Variants in DYNLT2B observed in about 807,000 individuals in gnomAD.
DYNLT2B encodes dynein light chain Tctex-type protein 2B.
In DYNLT2B, 14 loss-of-function variants were observed where a neutral mutation model predicts 19.5. The observed-to-expected ratio is 0.72, with a 90% CI of 0.47 to 1.12. The LOEUF (loss-of-function observed/expected upper bound fraction) is 1.12. Ranked by LOEUF, DYNLT2B falls within the 50% of genes most tolerant of loss-of-function variation. DYNLT2B has a pLI of 0.00. For synonymous variants in DYNLT2B, 70 were observed against 59.7 expected, an observed-to-expected ratio of 1.17 and a Z score of -0.79; for missense variants, 133 against 174.7, an observed-to-expected ratio of 0.76 and a Z score of 1.35.
chr3:196,298,762 C>A (rs888985724), intron 3 of DYNLT2B, among the ~76,000 whole-genome samples: 1 of 152,034 alleles, frequency 6.6e-6, no homozygotes. Flanking sequence ...GCTGATATTC[C>A]GCAGCAGATT....
chr3:196,304,319 GAC>G (rs2067376559), intron 3 of DYNLT2B, among the ~76,000 whole-genome samples: 1 of 152,056 alleles, frequency 6.6e-6, no homozygotes, highest in Admixed American at 6.6e-5. Flanking sequence ...TTTTAGTAGA[GAC>G]AGGGTTTCGC....
chr3:196,315,582 CAT>C (rs1467574361), intron 2 of DYNLT2B, among the ~76,000 whole-genome samples: 4 of 150,562 alleles, frequency 2.7e-5, no homozygotes, highest in Middle Eastern at 3.2e-3. Context: ...TTTTAATACA[CAT>C]GAGGTCGGCT....
In DYNLT2B at chr3:196,314,113, T is replaced by A. The variant is rs1484472409; in HGVS notation, c.247+1985A>T. Among the ~76,000 whole-genome samples the A allele has an allele frequency of 2.6e-5, 4 of 151,576 alleles. No homozygotes were observed. In the East Asian group the frequency reaches 7.8e-4, roughly 29 times the overall value. On this transcript the variant is annotated intron_variant, in intron 2 of 4. Coordinates refer to ENST00000325318, the MANE Select transcript of DYNLT2B (RefSeq NM_152773.5). ...AACTCCATCTCAAAAAAAAACCTTA[T>A]GGATACTTTTTTGTATTGTCTAGGT...
At chr3:196,299,246 G>A (rs977438825) in intron 3 of DYNLT2B, among the ~76,000 whole-genome samples, 11 of 152,068 alleles carry the variant, frequency 7.2e-5, no homozygotes, top group Admixed American at 1.3e-4. Context: ...CACCACGCCC[G>A]GCTAATTTTT....
intron 3 of DYNLT2B, among the ~76,000 whole-genome samples, chr3:196,300,922 G>A (rs556033979): frequency 2.5e-4 from 38 of 151,722 alleles, no homozygotes; most frequent in Non-Finnish European, 5.0e-4. Context: ...AGTTGGGCGT[G>A]GTGGCTCATG....
intron 1 of DYNLT2B, among the ~76,000 whole-genome samples, chr3:196,317,470 AGTGTGT>A (rs758076354): frequency 3.4e-4 from 4 of 11,886 alleles, no homozygotes; most frequent in East Asian, 0.017. Context: ...TATTTTTTTC[AGTGTGT>A]GTGTGTGTGT....
chr3:196,301,752 G>C (rs1726361752), intron 3 of DYNLT2B, among the ~76,000 whole-genome samples: 1 of 151,646 alleles, frequency 6.6e-6, no homozygotes, highest in African/African-American at 2.4e-5. Context: ...TGACTAAAAT[G>C]TAAAAATAGA....
intron 1 of DYNLT2B, among the ~76,000 whole-genome samples, chr3:196,317,649 G>C (rs564032594): frequency 3.5e-4 from 53 of 152,266 alleles, no homozygotes; most frequent in African/African-American, 1.2e-3. Flanking sequence ...CGCCGGGAGT[G>C]AGCCCATCCT....
At chr3:196,294,132 A>C (rs1164830234) in intron 4 of DYNLT2B, among the ~76,000 whole-genome samples, 2 of 151,950 alleles carry the variant, frequency 1.3e-5, no homozygotes, top group Non-Finnish European at 2.9e-5. Flanking sequence ...CGGGCCGATC[A>C]CCTGAGGTCG....
chr3:196,303,058 A>G (rs1013056702), intron 3 of DYNLT2B, among the ~76,000 whole-genome samples: 1 of 152,086 alleles, frequency 6.6e-6, no homozygotes, highest in African/African-American at 2.4e-5. Context: ...AGCGCTTGAG[A>G]TATTTTGCAG....
In DYNLT2B at chr3:196,317,062, GGTGTGTGTGT is replaced by G. The variant is rs140998103; in HGVS notation, c.114-841_114-832del. Among the ~76,000 whole-genome samples the G allele has an allele frequency of 6.1e-4, 32 of 52,274 alleles. 4 individuals are homozygous for G. In the East Asian group the frequency reaches 0.012, roughly 19 times the overall value. 34.3% of individuals were successfully genotyped at this position (52,274 alleles called of 152,430 possible). On this transcript the variant is annotated intron_variant, in intron 1 of 4. Transcript: ENST00000325318. ...TGTGTGTGTTGTGTGGTGTGTGTGT[GGTGTGTGTGT>G]GTGTGTGTGTGTGTGTAAAGTTAGT...
At chr3:196,292,442 G>A (rs374624448) in intron 4 of DYNLT2B, 1 of 152,152 alleles carries the variant, frequency 6.6e-6, no homozygotes, top group Non-Finnish European at 1.5e-5. Context: ...CTGTGATAAA[G>A]GACCTGCTTT....
chr3:196,296,789 C>T (rs13320886), intron 3 of DYNLT2B, among the ~76,000 whole-genome samples: 1 of 152,096 alleles, frequency 6.6e-6, no homozygotes, highest in Non-Finnish European at 1.5e-5. Context: ...TGACGTGTCC[C>T]TGTAGTCCCA....
At chr3:196,303,230 C>T (rs1463219069) in intron 3 of DYNLT2B, among the ~76,000 whole-genome samples, 5 of 152,080 alleles carry the variant, frequency 3.3e-5, no homozygotes, top group South Asian at 2.1e-4. Flanking sequence ...GCTCTCCACA[C>T]CCACCAAGCT....
chr3:196,304,360 T>C (rs1265780195), intron 3 of DYNLT2B, among the ~76,000 whole-genome samples: 2 of 152,184 alleles, frequency 1.3e-5, no homozygotes, highest in African/African-American at 4.8e-5. Flanking sequence ...CTCGAACTCC[T>C]GACCTCAAGT....
At chr3:196,308,656 G>T (rs1041610071) in intron 2 of DYNLT2B, among the ~76,000 whole-genome samples, 3 of 152,224 alleles carry the variant, frequency 2.0e-5, no homozygotes, top group Non-Finnish European at 2.9e-5. Context: ...GAACGTGCAG[G>T]TTCCAAGATT....
chr3:196,313,095 G>A (rs56240083), intron 2 of DYNLT2B, among the ~76,000 whole-genome samples: 48,547 of 151,916 alleles, frequency 0.32, 8,855 homozygotes, highest in East Asian at 0.83. Flanking sequence ...GTTACAGAAT[G>A]AATATGACAT....
chr3:196,306,440 AAAAAG>A (rs1192180216), intron 3 of DYNLT2B, among the ~76,000 whole-genome samples: 16 of 152,032 alleles, frequency 1.1e-4, no homozygotes, highest in Admixed American at 3.3e-4. Flanking sequence ...TAAACAAAAA[AAAAAG>A]AAAAGAAAGA....
At chr3:196,316,821 TAA>T (rs1726811907) in intron 1 of DYNLT2B, among the ~76,000 whole-genome samples, 1 of 152,044 alleles carries the variant, frequency 6.6e-6, no homozygotes, top group African/African-American at 2.4e-5. Context: ...TGTGTGTGTG[TAA>T]AGTTAGTGAT....
Sources: gnomAD v4.1 joint callset for allele counts (sites outside exome capture counted in the v4.1 genomes callset) on GRCh38, gnomAD v4.1.1 for gene constraint, MANE v1.5 for transcripts, NCBI Gene and HGNC (gene_info 2026-07-23, HGNC 2026-07-21) for gene names.